ZNF277: variants seen among roughly 807,000 people sequenced by gnomAD.
ZNF277 encodes zinc finger protein 277, also known as nuclear receptor-interacting factor 4.
A neutral mutation model predicts 60.7 loss-of-function variants in ZNF277; 55 were observed. The observed-to-expected ratio is 0.91, with a 90% CI of 0.73 to 1.13. The LOEUF (loss-of-function observed/expected upper bound fraction) is 1.13. Ranked by LOEUF, ZNF277 falls within the 50% of genes most tolerant of loss-of-function variation. ZNF277 has a pLI of 0.00. For missense variants in ZNF277, 510 were observed against 523.0 expected (o/e 0.98, Z 0.24); for synonymous variants, 178 against 179.3 (o/e 0.99, Z 0.06).
At chr7:112,340,140 T>G (rs1793414965) in intron 10 of ZNF277, among the ~76,000 whole-genome samples, 1 of 152,222 alleles carries the variant, frequency 6.6e-6, no homozygotes. Context: ...AAGTTAGTGG[T>G]TAATAATATA....
At chr7:112,318,968 T>G (rs1792913274) in intron 5 of ZNF277, among the ~76,000 whole-genome samples, 1 of 152,034 alleles carries the variant, frequency 6.6e-6, no homozygotes, top group Admixed American at 6.6e-5. Context: ...GGATACAGAT[T>G]AGAAACAGCC....
intron 2 of ZNF277, chr7:112,287,338 G>A (rs1052043540): frequency 2.5e-5 from 10 of 398,224 alleles, no homozygotes; most frequent in Non-Finnish European, 4.1e-5. Flanking sequence ...TTATACCATT[G>A]CACTCCAGCC....
intron 2 of ZNF277, among the ~76,000 whole-genome samples, chr7:112,293,020 C>G (rs116694714): frequency 0.028 from 4,241 of 152,174 alleles, 202 homozygotes; most frequent in African/African-American, 0.098. Flanking sequence ...GGACAGCGTG[C>G]TTTACATGCA....
chr7:112,282,500 T>C (rs1346603946), intron 1 of ZNF277, among the ~76,000 whole-genome samples: 1 of 152,264 alleles, frequency 6.6e-6, no homozygotes, highest in African/African-American at 2.4e-5. Context: ...CATTTTGTGC[T>C]ATCTCCCCAG....
chr7:112,315,058 G>C (rs1329228128), intron 4 of ZNF277, among the ~76,000 whole-genome samples: 5 of 152,124 alleles, frequency 3.3e-5, no homozygotes, highest in African/African-American at 1.2e-4. Context: ...TAAAATATAT[G>C]TATGGGGAAA....
intron 1 of ZNF277, among the ~76,000 whole-genome samples, chr7:112,284,565 T>G (rs1260418981): frequency 6.6e-6 from 1 of 152,184 alleles, no homozygotes; most frequent in Non-Finnish European, 1.5e-5. Flanking sequence ...ATTCCAGAAC[T>G]CCTTGATTTC....
chr7:112,305,224 A>AAAT (rs777897596), intron 4 of ZNF277, among the ~76,000 whole-genome samples: 24 of 151,854 alleles, frequency 1.6e-4, no homozygotes, highest in South Asian at 2.1e-4. Context: ...CATTCCTTAA[A>AAAT]AATAATAATA....
chr7:112,251,130 C>T (rs539887320), intron 1 of ZNF277, among the ~76,000 whole-genome samples: 1 of 152,280 alleles, frequency 6.6e-6, no homozygotes, highest in East Asian at 1.9e-4. Context: ...CAAAAACCAA[C>T]TTGAGGAAGA....
At chr7:112,313,106 T>A (rs1471678364) in intron 4 of ZNF277, among the ~76,000 whole-genome samples, 1 of 152,070 alleles carries the variant, frequency 6.6e-6, no homozygotes, top group African/African-American at 2.4e-5. Context: ...TAATATTTTT[T>A]AAAAAATGAA....
chr7:112,273,484 C>T (rs1791727208), intron 1 of ZNF277, among the ~76,000 whole-genome samples: 2 of 152,152 alleles, frequency 1.3e-5, no homozygotes, highest in East Asian at 1.9e-4. Context: ...TTCTTCAGTG[C>T]CTCTTTCAGG....
intron 1 of ZNF277, among the ~76,000 whole-genome samples, chr7:112,265,560 C>G (rs1791532947): frequency 6.6e-6 from 1 of 152,070 alleles, no homozygotes; most frequent in Admixed American, 6.6e-5. Context: ...CAGAGAGATA[C>G]AAAGTGAGCA....
chr7:112,320,840 A>G (rs912911686), intron 5 of ZNF277, among the ~76,000 whole-genome samples: 3 of 142,664 alleles, frequency 2.1e-5, no homozygotes, highest in Admixed American at 2.1e-4. Flanking sequence ...TCTTCTCATT[A>G]TTCTCCTCTA....
intron 1 of ZNF277, among the ~76,000 whole-genome samples, chr7:112,231,861 A>T (rs1822340406): frequency 6.6e-6 from 1 of 151,988 alleles, no homozygotes; most frequent in African/African-American, 2.4e-5. Context: ...TAGCAAGTAT[A>T]TTAACTTGAA....
At chr7:112,261,687 C>T (rs768056941) in intron 1 of ZNF277, among the ~76,000 whole-genome samples, 18 of 152,204 alleles carry the variant, frequency 1.2e-4, no homozygotes, top group Middle Eastern at 3.4e-3. Flanking sequence ...AGGAGTGTAT[C>T]TGTTTTTATG....
intron 10 of ZNF277, 59 bp from the exon 11 acceptor site, chr7:112,340,813 A>G (rs1563235332): frequency 1.3e-6 from 2 of 1,489,960 alleles, no homozygotes; most frequent in East Asian, 2.3e-5. Context: ...AGAAATTATA[A>G]TAGTGCAAAA....
chr7:112,289,622 G>T (rs1340059165), intron 2 of ZNF277, among the ~76,000 whole-genome samples: 1 of 152,156 alleles, frequency 6.6e-6, no homozygotes, highest in Non-Finnish European at 1.5e-5. Context: ...GAGATCTGTT[G>T]ATTTTGTTTC....
intron 4 of ZNF277, among the ~76,000 whole-genome samples, chr7:112,313,282 ATT>A (rs58333831): frequency 0.029 from 4,166 of 145,806 alleles, 221 homozygotes; most frequent in African/African-American, 0.099. Context: ...ATGTTTTAAA[ATT>A]TTTTTTTTTT....
chr7:112,297,671 G>C (rs552195509), intron 4 of ZNF277, among the ~76,000 whole-genome samples: 103 of 152,306 alleles, frequency 6.8e-4, no homozygotes, highest in African/African-American at 2.4e-3. Flanking sequence ...CCTTATAGCA[G>C]TGTCTTATGA....
chr7:112,282,664 C>T (rs28490504), intron 1 of ZNF277, among the ~76,000 whole-genome samples: 8,548 of 152,316 alleles, frequency 0.056, 643 homozygotes, highest in African/African-American at 0.17. Flanking sequence ...TAGTTTCCCA[C>T]CTGGTCTCCC....
Sources: gnomAD v4.1 joint callset for allele counts (sites outside exome capture counted in the v4.1 genomes callset) on GRCh38, gnomAD v4.1.1 for gene constraint, MANE v1.5 for transcripts, NCBI Gene and HGNC (gene_info 2026-07-23, HGNC 2026-07-21) for gene names.